KCNT2: variants seen among roughly 807,000 people sequenced by gnomAD.
KCNT2 encodes the protein potassium sodium-activated channel subfamily T member 2, also known as potassium channel subfamily T member 2.
A neutral mutation model predicts 153.8 loss-of-function variants in KCNT2; 67 were observed. The observed-to-expected ratio is 0.44, with a 90% confidence interval of 0.36 to 0.53. The LOEUF is 0.53. Ranked by LOEUF, KCNT2 falls within the 20% of genes least tolerant of loss-of-function variation. The probability of loss-of-function intolerance (pLI) is 0.00; values close to 1 mark genes in which losing one functional copy is unlikely to be tolerated. For missense variants in KCNT2, 975 were observed against 1,354.8 expected, an observed-to-expected ratio of 0.72 and a Z score of 4.40; for synonymous variants, 500 against 458.8, an observed-to-expected ratio of 1.09 and a Z score of -1.15.
chr1:196,555,352 C>A (rs116325701), intron 1 of KCNT2, among the ~76,000 whole-genome samples: 75 of 151,304 alleles, frequency 5.0e-4, no homozygotes, highest in Non-Finnish European at 9.8e-4. Flanking sequence ...TTTCTATATG[C>A]CAACAGTTAA....
chr1:196,342,420 CTATATATATATATA>C (rs71154738), intron 14 of KCNT2, among the ~76,000 whole-genome samples, 192 bp from the exon 15 acceptor site: 5 of 132,756 alleles, frequency 3.8e-5, no homozygotes, highest in Non-Finnish European at 6.3e-5. Flanking sequence ...ATTTTGAATA[CTATATATATATATA>C]TATATATATA....
chr1:196,456,251 C>A (rs575363829), intron 8 of KCNT2, among the ~76,000 whole-genome samples: 1 of 151,886 alleles, frequency 6.6e-6, no homozygotes, highest in Non-Finnish European at 1.5e-5. Flanking sequence ...TTCTACTACA[C>A]TTTAAGTAGG....
intron 1 of KCNT2, among the ~76,000 whole-genome samples, chr1:196,574,109 T>G (rs1419210009): frequency 2.0e-5 from 3 of 151,948 alleles, no homozygotes; most frequent in African/African-American, 4.8e-5. Flanking sequence ...TTACTTTTTC[T>G]GAGAATCAAT....
chr1:196,475,801 T>G lies in KCNT2; in HGVS notation c.384+3378A>C, dbSNP rs537143034. ...TTGATGAGAGGAAAAAGAAGATAAT[T>G]AACAGCAACCTATCCTTCTACTGTC... On this transcript the variant is annotated intron_variant, in intron 5 of 27. Coordinates refer to ENST00000294725, the MANE Select transcript of KCNT2 (RefSeq NM_198503.5). Among the ~76,000 whole-genome samples the G allele has an allele frequency of 5.9e-5, 9 of 152,272 alleles. No homozygotes were observed. In the East Asian group the frequency reaches 1.7e-3, roughly 29 times the overall value.
intron 7 of KCNT2, among the ~76,000 whole-genome samples, chr1:196,467,460 A>G (rs1202884138): frequency 6.6e-6 from 1 of 152,140 alleles, no homozygotes; most frequent in Admixed American, 6.6e-5. Flanking sequence ...CATTAAAAAA[A>G]CATTTAAATG....
At chr1:196,491,521 T>C (rs1679859001) in intron 2 of KCNT2, among the ~76,000 whole-genome samples, 1 of 151,978 alleles carries the variant, frequency 6.6e-6, no homozygotes, top group African/African-American at 2.4e-5. Context: ...CCATTCCCTG[T>C]GACATTGTAA....
At chr1:196,357,194 C>T (rs1014753478) in intron 14 of KCNT2, among the ~76,000 whole-genome samples, 3 of 151,910 alleles carry the variant, frequency 2.0e-5, no homozygotes, top group African/African-American at 7.2e-5. Flanking sequence ...AAGTAGAGAG[C>T]CTGTGAGCAG....
At chr1:196,374,599 T>C (rs1225678011) in intron 13 of KCNT2, among the ~76,000 whole-genome samples, 1 of 151,804 alleles carries the variant, frequency 6.6e-6, no homozygotes, top group Non-Finnish European at 1.5e-5. Context: ...AACCAGATTA[T>C]TTATTGCTTT....
intron 22 of KCNT2, among the ~76,000 whole-genome samples, chr1:196,291,007 T>C (rs1660138650): frequency 6.6e-6 from 1 of 152,090 alleles, no homozygotes; most frequent in African/African-American, 2.4e-5. Context: ...GCTCCCAAAC[T>C]GCTTTCCAGG....
At chr1:196,511,640 G>A (rs1310866160) in intron 1 of KCNT2, among the ~76,000 whole-genome samples, 2 of 152,150 alleles carry the variant, frequency 1.3e-5, no homozygotes, top group African/African-American at 2.4e-5. Flanking sequence ...TCAAGGTGCA[G>A]TAGGGCTGAT....
rs141100752 is a variant in KCNT2 at position 196,511,367 on chromosome 1, C to T, written c.96-19026G>A. ...TACAAAAAGCTCCAAAGAAATTCCC[C>T]ACAGAAATCTGCCACAAAAACCAGG... On this transcript the variant is annotated intron_variant, in intron 1 of 27. Transcript: ENST00000294725. 2.6e-4 allele frequency among the ~76,000 whole-genome samples: 39 copies of T among 152,212 alleles called. 1 individual carries two copies. The East Asian group carries it at 6.0e-3, about 23-fold the overall frequency.
intron 12 of KCNT2, chr1:196,404,112 A>C: frequency 1.0e-6 from 1 of 962,756 alleles, no homozygotes; most frequent in East Asian, 1.2e-4. Flanking sequence ...CTAAATCTTC[A>C]GCTTCTCTGT....
At chr1:196,588,684 T>C (rs1558111037) in intron 1 of KCNT2, among the ~76,000 whole-genome samples, 1 of 151,998 alleles carries the variant, frequency 6.6e-6, no homozygotes, top group Non-Finnish European at 1.5e-5. Flanking sequence ...TGTTTTCTAA[T>C]CAGTCATGTT....
At chr1:196,252,270 C>A (rs751283447) in intron 26 of KCNT2, among the ~76,000 whole-genome samples, 1 of 151,580 alleles carries the variant, frequency 6.6e-6, no homozygotes. Flanking sequence ...CTGTAAAGAG[C>A]CAGATAGTAA....
chr1:196,238,169 C>A (rs1571750951), intron 26 of KCNT2, among the ~76,000 whole-genome samples: 1 of 152,000 alleles, frequency 6.6e-6, no homozygotes, highest in Middle Eastern at 3.4e-3. Flanking sequence ...AATATCAACA[C>A]CTAGCCTTTA....
chr1:196,237,849 G>A (rs1158913644), intron 26 of KCNT2, among the ~76,000 whole-genome samples: 1 of 151,566 alleles, frequency 6.6e-6, no homozygotes, highest in Non-Finnish European at 1.5e-5. Context: ...CTACAAATAA[G>A]GTATAATTCC....
At chr1:196,320,338 C>T (rs1663165421) in intron 19 of KCNT2, among the ~76,000 whole-genome samples, 1 of 151,862 alleles carries the variant, frequency 6.6e-6, no homozygotes, top group Admixed American at 6.6e-5. Flanking sequence ...GACATTTTAA[C>T]ACATTCAGGT....
intron 26 of KCNT2, among the ~76,000 whole-genome samples, chr1:196,253,409 T>C (rs1464812072): frequency 6.6e-6 from 1 of 151,524 alleles, no homozygotes; most frequent in Non-Finnish European, 1.5e-5. Flanking sequence ...TGGTCTCTTC[T>C]ATCTTCAGTT....
intron 25 of KCNT2, among the ~76,000 whole-genome samples, chr1:196,277,840 A>G (rs1399594393): frequency 6.6e-6 from 1 of 152,128 alleles, no homozygotes; most frequent in African/African-American, 2.4e-5. Flanking sequence ...GCGTTTTTAT[A>G]TAATCTTAAA....
Sources: allele counts gnomAD v4.1 joint callset (sites outside exome capture counted in the v4.1 genomes callset), GRCh38; gene constraint gnomAD v4.1.1; transcripts MANE v1.5; gene names NCBI Gene and HGNC (gene_info 2026-07-23, HGNC 2026-07-21).